The following PRKN variants were observed in gnomAD, a reference collection of about 807,000 sequenced individuals.
PRKN encodes the protein E3 ubiquitin-protein ligase parkin.
A neutral mutation model predicts 59.5 loss-of-function variants in PRKN; 56 were observed. The observed-to-expected ratio is 0.94, with a 90% confidence interval of 0.76 to 1.18. The LOEUF (loss-of-function observed/expected upper bound fraction) is 1.18, where lower values mean the gene tolerates loss of function less well. Ranked by LOEUF, PRKN falls within the 50% of genes most tolerant of loss-of-function variation. The probability of loss-of-function intolerance (pLI) is 0.00; values close to 1 mark genes in which losing one functional copy is unlikely to be tolerated. For synonymous variants in PRKN, 250 were observed against 222.1 expected, an observed-to-expected ratio of 1.13 and a Z score of -1.12; for missense variants, 657 against 596.4, an observed-to-expected ratio of 1.10 and a Z score of -1.06.
chr6:162,697,585 G>A (rs1038628130), intron 1 of PRKN, among the ~76,000 whole-genome samples: 1 of 152,134 alleles, frequency 6.6e-6, no homozygotes, highest in African/African-American at 2.4e-5. Flanking sequence ...GGAGATTATA[G>A]GCTAACAGAC....
chr6:161,899,440 T>G (rs950209732), intron 6 of PRKN, among the ~76,000 whole-genome samples: 4 of 152,164 alleles, frequency 2.6e-5, no homozygotes, highest in African/African-American at 9.7e-5. Context: ...GTAGGTAATA[T>G]TTTGCAATTT....
chr6:162,454,585 T>A (rs941795712), intron 1 of PRKN, among the ~76,000 whole-genome samples: 1 of 152,230 alleles, frequency 6.6e-6, no homozygotes, highest in Non-Finnish European at 1.5e-5. Flanking sequence ...CTCCCTCCTC[T>A]GTGTCAGTGG....
chr6:162,247,693 A>T (rs1338541123), intron 3 of PRKN, among the ~76,000 whole-genome samples: 1 of 152,146 alleles, frequency 6.6e-6, no homozygotes, highest in African/African-American at 2.4e-5. Context: ...TATGACCAGA[A>T]AGCAGAGATT....
chr6:161,922,604 T>G (rs551530564), intron 6 of PRKN, among the ~76,000 whole-genome samples: 2 of 152,170 alleles, frequency 1.3e-5, no homozygotes, highest in Non-Finnish European at 2.9e-5. Flanking sequence ...TATAAGTACA[T>G]GAGGTAATTC....
chr6:162,348,044 G>C (rs1784477136), intron 2 of PRKN, among the ~76,000 whole-genome samples: 1 of 152,194 alleles, frequency 6.6e-6, no homozygotes, highest in South Asian at 2.1e-4. Context: ...CAGAGTGTCA[G>C]AGATCTGCAA....
In PRKN at chr6:161,974,029, G is replaced by A. The variant is rs925022351; in HGVS notation, c.619-612C>T. Among the ~76,000 whole-genome samples, 12 of 152,246 alleles carry A rather than the reference G, an allele frequency of 7.9e-5. No homozygotes were observed. The East Asian group carries it at 2.3e-3, about 29-fold the overall frequency. ...CGCCTGTAATCCCAGCACTTTGGGA[G>A]GTTGAGGCGGGCGGATCACCTGGGG... On this transcript the variant is annotated intron_variant, in intron 5 of 11. Coordinates refer to ENST00000366898, the MANE Select transcript of PRKN (RefSeq NM_004562.3).
At chr6:161,778,499 A>C (rs980946995) in intron 7 of PRKN, among the ~76,000 whole-genome samples, 1 of 152,204 alleles carries the variant, frequency 6.6e-6, no homozygotes, top group Non-Finnish European at 1.5e-5. Context: ...GAGGAATTAC[A>C]ATCCAAAAAT....
Position 162,666,185 on chromosome 6 carries a change from A to C in PRKN, c.7+61477T>G, listed in dbSNP as rs371416170. Among the ~76,000 whole-genome samples the C allele has an allele frequency of 4.6e-5, 7 of 152,272 alleles. 1 individual carries two copies. The highest frequency in any genetic ancestry group is 1.7e-4 in the African/African-American group (7 of 41,572). ...CCAGTTTTAAGATGTCTATAAGAAA[A>C]GAGGAGGGAGTAGTTTTTGTTTCTA... On this transcript the variant is annotated intron_variant, in intron 1 of 11. Transcript: ENST00000366898.
Position 162,648,302 on chromosome 6 carries a change from A to ATTT in PRKN, c.7+79359_7+79360insAAA, listed in dbSNP as rs1423749597. 9.9e-5 allele frequency among the ~76,000 whole-genome samples: 15 copies of ATTT among 152,034 alleles called. 1 individual carries two copies. Among genetic ancestry groups the ATTT allele is most frequent in the Non-Finnish European group, 2.2e-4 (15 of 67,994 alleles). Reference sequence around the variant, plus strand: ...TTTACATTATACTAAATGGGATTCCAATGGTCACTATGTGTTTAAAGCATG... The same window carrying ATTT: ...TTTACATTATACTAAATGGGATTCCATTTATGGTCACTATGTGTTTAAAGCATG... On this transcript the variant is annotated intron_variant, in intron 1 of 11. Coordinates refer to ENST00000366898, the MANE Select transcript of PRKN (RefSeq NM_004562.3).
chr6:161,655,117 T>C (rs150977839), intron 7 of PRKN, among the ~76,000 whole-genome samples: 3,502 of 140,852 alleles, frequency 0.025, 64 homozygotes, highest in African/African-American at 0.061. Context: ...AGCATGGGCC[T>C]GGCCCCTCAT....
intron 4 of PRKN, among the ~76,000 whole-genome samples, chr6:162,113,179 T>A (rs1033160931): frequency 6.6e-6 from 1 of 152,202 alleles, no homozygotes. Flanking sequence ...TTAAGCCATA[T>A]GAAATATCAT....
chr6:162,166,705 A>G (rs1276831571), intron 4 of PRKN, among the ~76,000 whole-genome samples: 1 of 152,178 alleles, frequency 6.6e-6, no homozygotes, highest in Non-Finnish European at 1.5e-5. Flanking sequence ...CAACAAAGGA[A>G]ATAGAGTAAA....
intron 6 of PRKN, among the ~76,000 whole-genome samples, chr6:161,925,923 C>T (rs1562394771): frequency 6.6e-6 from 1 of 152,112 alleles, no homozygotes; most frequent in African/African-American, 2.4e-5. Flanking sequence ...TTATATGTCT[C>T]GTCTCCTCCC....
chr6:161,808,578 T>C (rs916631771), intron 6 of PRKN, among the ~76,000 whole-genome samples: 4 of 152,196 alleles, frequency 2.6e-5, no homozygotes, highest in Non-Finnish European at 5.9e-5. Flanking sequence ...AGGGTGTTCT[T>C]AATATTATTT....
intron 3 of PRKN, among the ~76,000 whole-genome samples, chr6:162,236,752 A>G (rs4709585): frequency 0.44 from 66,897 of 151,440 alleles, 17,037 homozygotes; most frequent in East Asian, 0.76. Context: ...CCGAGATTGC[A>G]CCATTGCACT....
intron 3 of PRKN, among the ~76,000 whole-genome samples, chr6:162,241,294 C>G (rs1181011155): frequency 6.6e-6 from 1 of 151,842 alleles, no homozygotes. Context: ...TAAATAGCAC[C>G]AAATCTTAAG....
chr6:162,466,357 C>T (rs1459116857), intron 1 of PRKN, among the ~76,000 whole-genome samples: 2 of 152,048 alleles, frequency 1.3e-5, no homozygotes, highest in African/African-American at 4.8e-5. Context: ...TAATCTATTC[C>T]CAGGCATTAT....
intron 7 of PRKN, among the ~76,000 whole-genome samples, chr6:161,695,981 T>C (rs1286365762): frequency 6.6e-6 from 1 of 152,200 alleles, no homozygotes; most frequent in Non-Finnish European, 1.5e-5. Flanking sequence ...AAACAGGCCA[T>C]GCATTCTCAT....
intron 4 of PRKN, among the ~76,000 whole-genome samples, chr6:162,101,588 C>T (rs1195003720): frequency 4.0e-5 from 6 of 151,684 alleles, no homozygotes; most frequent in East Asian, 3.9e-4. Flanking sequence ...AGGAGAATGG[C>T]GTAAACCCGG....
Sources: allele counts gnomAD v4.1 joint callset (sites outside exome capture counted in the v4.1 genomes callset), GRCh38; gene constraint gnomAD v4.1.1; transcripts MANE v1.5; gene names NCBI Gene and HGNC (gene_info 2026-07-23, HGNC 2026-07-21).